Variants in PIK3CA observed in about 807,000 individuals in gnomAD.
The protein encoded by PIK3CA is phosphatidylinositol 4,5-bisphosphate 3-kinase catalytic subunit alpha isoform.
PIK3CA carries 27 observed loss-of-function variants against 138.2 expected under a neutral mutation model. That is an observed-to-expected ratio of 0.20 (90% CI 0.14 to 0.27). The LOEUF is 0.27. PIK3CA is among the 10% of genes least tolerant of loss of function. PIK3CA has a pLI of 1.00. For missense variants in PIK3CA, 544 were observed against 1,277.4 expected, an observed-to-expected ratio of 0.43 and a Z score of 8.75; for synonymous variants, 358 against 413.2, an observed-to-expected ratio of 0.87 and a Z score of 1.62.
chr3:179,231,244 T>G (rs922626013), intron 20 of PIK3CA, among the ~76,000 whole-genome samples: 1 of 152,170 alleles, frequency 6.6e-6, no homozygotes, highest in African/African-American at 2.4e-5. Context: ...TTTGCAATTG[T>G]GAATTGTGCT....
intron 1 of PIK3CA, among the ~76,000 whole-genome samples, chr3:179,153,749 T>C (rs1454221698): frequency 1.3e-5 from 2 of 152,206 alleles, no homozygotes; most frequent in Non-Finnish European, 2.9e-5. Context: ...GAGTTTTCCT[T>C]TAAGTTTATG....
intron 1 of PIK3CA, among the ~76,000 whole-genome samples, chr3:179,158,035 T>C (rs1723182903): frequency 6.6e-6 from 1 of 152,152 alleles, no homozygotes; most frequent in Non-Finnish European, 1.5e-5. Context: ...GTAAGAACCA[T>C]GTTACATTCA....
chr3:179,229,935 T>C, intron 18 of PIK3CA, 69 bp from the exon 19 acceptor site: 7 of 955,966 alleles, frequency 7.3e-6, no homozygotes, highest in Non-Finnish European at 1.1e-5. Context: ...TTGCACCCTG[T>C]TTTCTTTTCT....
chr3:179,194,983 C>T lies in PIK3CA; in HGVS notation c.-76-3767C>T, dbSNP rs1343133648. On this transcript the variant is annotated intron_variant, in intron 1 of 20. Transcript: ENST00000263967. ...CCTTTGTTTTTGTGCCATACTTAGC[C>T]TAGAGCCTGACATTAAGCAGGTACT... Among the ~76,000 whole-genome samples, 4 of 148,310 alleles carry T rather than the reference C, an allele frequency of 2.7e-5. No individual in the cohort carries two copies. The South Asian group carries it at 8.5e-4, about 32-fold the overall frequency.
intron 17 of PIK3CA, among the ~76,000 whole-genome samples, chr3:179,227,052 A>G (rs946624198): frequency 6.6e-6 from 1 of 152,142 alleles, no homozygotes; most frequent in Non-Finnish European, 1.5e-5. Context: ...ATAACCGTGT[A>G]ACGCTGGTTA....
At position 179,199,035 on chromosome 3, in the gene PIK3CA, C is replaced by T. The variant is rs760094170; in HGVS notation, c.210C>T (p.Phe70=). 8.7e-6 allele frequency: 14 copies of T among 1,613,528 alleles called. No homozygotes were observed. The highest frequency in any genetic ancestry group is 4.5e-5 in the East Asian group (2 of 44,862). The part of the protein sequence containing the change: ...QLLQDESSYI[F]VSVTQEAERE... The stretch of plus-strand genomic sequence containing the variant: ...TTCAAGATGAATCTTCTTACATTTT[C>T]GTAAGTGTTACTCAAGAAGCAGAAA... The change falls in exon 2 of 21, where the codon TTC becomes TTT. Residue 70 remains phenylalanine (F), a synonymous_variant. Transcript: ENST00000263967.
chr3:179,228,531 CCTT>C (rs527455216), intron 17 of PIK3CA, among the ~76,000 whole-genome samples: 286 of 152,094 alleles, frequency 1.9e-3, no homozygotes, highest in Non-Finnish European at 3.8e-3. Flanking sequence ...TTATAATACT[CCTT>C]CTTTTTCTAC....
intron 1 of PIK3CA, among the ~76,000 whole-genome samples, chr3:179,176,897 GTC>G (rs1723710882): frequency 6.6e-6 from 1 of 152,178 alleles, no homozygotes; most frequent in Non-Finnish European, 1.5e-5. Context: ...TTGTCAGACT[GTC>G]TCCCAGAAAG....
intron 4 of PIK3CA, 68 bp downstream of exon 4, chr3:179,201,608 TA>T (rs2108390442): frequency 2.8e-6 from 3 of 1,056,648 alleles, no homozygotes; most frequent in Non-Finnish European, 2.6e-6. Context: ...TGAGTATCTG[TA>T]TTTTTTTTTT....
chr3:179,165,367 C>T (rs887550248), intron 1 of PIK3CA, among the ~76,000 whole-genome samples: 1 of 152,072 alleles, frequency 6.6e-6, no homozygotes, highest in African/African-American at 2.4e-5. Context: ...TGAGTGGATC[C>T]ATAGTACTGG....
chr3:179,228,924 C>T (rs1387375983), intron 17 of PIK3CA, among the ~76,000 whole-genome samples: 1 of 151,888 alleles, frequency 6.6e-6, no homozygotes, highest in Non-Finnish European at 1.5e-5. Flanking sequence ...GAACTTCTGC[C>T]CTACAGTTTT....
chr3:179,179,025 A>T (rs571716498), intron 1 of PIK3CA, among the ~76,000 whole-genome samples: 1 of 152,370 alleles, frequency 6.6e-6, no homozygotes, highest in Non-Finnish European at 1.5e-5. Context: ...CTTTAGACAC[A>T]TGGAGCCAGT....
intron 9 of PIK3CA, among the ~76,000 whole-genome samples, chr3:179,212,295 A>C (rs1181793863): frequency 1.4e-5 from 2 of 141,352 alleles, no homozygotes; most frequent in African/African-American, 2.6e-5. Flanking sequence ...GGCGTGAGCC[A>C]CCGCGCCCGG....
intron 1 of PIK3CA, among the ~76,000 whole-genome samples, chr3:179,188,282 C>G (rs187092054): frequency 6.6e-6 from 1 of 152,166 alleles, no homozygotes; most frequent in Non-Finnish European, 1.5e-5. Context: ...TAGTTAGGCT[C>G]TCTTTGTGGT....
chr3:179,151,332 C>T (rs1723009031), intron 1 of PIK3CA, among the ~76,000 whole-genome samples: 1 of 152,156 alleles, frequency 6.6e-6, no homozygotes, highest in Non-Finnish European at 1.5e-5. Context: ...TATCATGCTG[C>T]GTCTAATCTC....
intron 20 of PIK3CA, among the ~76,000 whole-genome samples, chr3:179,231,782 A>G (rs549452790): frequency 2.8e-4 from 42 of 151,980 alleles, no homozygotes; most frequent in African/African-American, 9.6e-4. Flanking sequence ...AGCTGGGACT[A>G]CAGGCACATG....
rs1724508939 is a variant in PIK3CA, at chr3:179,204,607, T to C, written c.1145+19T>C. 4 of 1,217,146 alleles carry C rather than the reference T, an allele frequency of 3.3e-6. No homozygotes were observed. Among genetic ancestry groups the C allele is most frequent in the Non-Finnish European group, 4.9e-6 (4 of 820,392 alleles). 75.4% of individuals were successfully genotyped at this position (1,217,146 alleles called of 1,614,324 possible). ...ATCCCAGGTAAGGAAGTATATAGAT[T>C]TATATTTCCAAAGGTTATATTAGTG... On this transcript the variant is annotated intron_variant, in intron 6 of 20. Transcript: ENST00000263967.
chr3:179,198,033 A>G (rs1389407368), intron 1 of PIK3CA, among the ~76,000 whole-genome samples: 1 of 152,242 alleles, frequency 6.6e-6, no homozygotes, highest in East Asian at 1.9e-4. Flanking sequence ...TTTATTTGAG[A>G]AAGTAAATAG....
chr3:179,183,277 T>A (rs1723894794), intron 1 of PIK3CA, among the ~76,000 whole-genome samples: 1 of 152,180 alleles, frequency 6.6e-6, no homozygotes, highest in Non-Finnish European at 1.5e-5. Flanking sequence ...TATAAAGTTA[T>A]TGTTTGGTCT....
Sources: allele counts gnomAD v4.1 joint callset (sites outside exome capture counted in the v4.1 genomes callset), GRCh38; gene constraint gnomAD v4.1.1; transcripts MANE v1.5; gene names NCBI Gene and HGNC (gene_info 2026-07-23, HGNC 2026-07-21).